Variants in ANTXR2 observed in about 807,000 individuals in gnomAD.
The protein encoded by ANTXR2 is ANTXR cell adhesion molecule 2, also known as anthrax toxin receptor 2.
A neutral mutation model predicts 73.7 loss-of-function variants in ANTXR2; 44 were observed. The ratio of observed to expected loss-of-function variants is 0.60; its 90% CI spans 0.47 to 0.77. The LOEUF (loss-of-function observed/expected upper bound fraction) is 0.77, where lower values mean the gene tolerates loss of function less well. Among genes scored for constraint, ANTXR2 ranks in the 30% least tolerant of loss-of-function variants. The pLI is 0.00. For missense variants in ANTXR2, 604 were observed against 592.5 expected (o/e 1.02, Z -0.20); for synonymous variants, 217 against 205.9 (o/e 1.05, Z -0.46).
At chr4:80,015,023 T>C (rs1015420370) in intron 11 of ANTXR2, among the ~76,000 whole-genome samples, 7 of 152,202 alleles carry the variant, frequency 4.6e-5, no homozygotes, top group African/African-American at 1.7e-4. Flanking sequence ...ATTTTTGTCT[T>C]TGACTCTATG....
rs148472939 is a variant in ANTXR2, at chr4:80,019,009, C to T, written c.867-33G>A. On this transcript the variant is annotated intron_variant, in intron 10 of 16. Transcript: ENST00000403729. ...AGAAAAGAAACAATAATTTTATATA[C>T]ATTTAAAACCAGAGGAGTAGGAGAT... 1,027 of 1,344,848 alleles carry T rather than the reference C, an allele frequency of 7.6e-4. 9 individuals are homozygous for T. In the African/African-American group the frequency reaches 0.014, roughly 19 times the overall value. The allele number at this position is 1,344,848 out of a possible 1,614,324, so 83.3% of individuals were successfully genotyped here.
chr4:80,014,347 T>A (rs1731739615), intron 11 of ANTXR2, among the ~76,000 whole-genome samples: 1 of 151,932 alleles, frequency 6.6e-6, no homozygotes, highest in Non-Finnish European at 1.5e-5. Context: ...GGCGGCCAAA[T>A]CACAAGGTCA....
Position 79,902,790 on chromosome 4 carries a change from C to A in ANTXR2, c.*4639G>T, listed in dbSNP as rs1233481554. 2 of 151,232 alleles carry A rather than the reference C, an allele frequency of 1.3e-5. No homozygotes were observed. Among genetic ancestry groups the A allele is most frequent in the Non-Finnish European group, 2.9e-5 (2 of 67,914 alleles). The allele number at this position is 151,232 out of a possible 1,614,324, so 9.4% of individuals were successfully genotyped here. A position where few individuals can be genotyped will look rare whatever the true frequency, so the allele number is the denominator to read the frequency against. ...TTACCACACACTACAGACAAAGAAG[C>A]CAGTCATATTGATACAAATATGAGA... On this transcript the variant is annotated 3_prime_UTR_variant, in exon 17 of 17. Coordinates refer to ENST00000403729, the MANE Select transcript of ANTXR2 (RefSeq NM_058172.6).
chr4:80,041,526 C>T (rs936200152), intron 7 of ANTXR2, among the ~76,000 whole-genome samples: 1 of 151,840 alleles, frequency 6.6e-6, no homozygotes, highest in African/African-American at 2.4e-5. Flanking sequence ...CATACGTCAA[C>T]ATGTGCCATG....
chr4:80,040,032 G>C (rs1027240283), intron 7 of ANTXR2, among the ~76,000 whole-genome samples: 2 of 151,982 alleles, frequency 1.3e-5, no homozygotes, highest in Non-Finnish European at 2.9e-5. Flanking sequence ...ACCAAAGACT[G>C]CACGTTCTCA....
At chr4:79,933,731 GTTTGTTTTTT>G (rs1728147640) in intron 16 of ANTXR2, among the ~76,000 whole-genome samples, 1 of 41,962 alleles carries the variant, frequency 2.4e-5, no homozygotes, top group Non-Finnish European at 4.1e-5. Context: ...GCCCTGGTGT[GTTTGTTTTTT>G]TTTTTTTTTT....
rs1729678644 is a variant in ANTXR2 at position 79,977,324 on chromosome 4, AT to A, written c.1428+296del. Among the ~76,000 whole-genome samples, 5 of 152,344 alleles carry A rather than the reference AT, an allele frequency of 3.3e-5. 1 individual carries two copies. In the South Asian group the frequency reaches 1.0e-3, roughly 32 times the overall value. On this transcript the variant is annotated intron_variant, in intron 16 of 16. Transcript: ENST00000403729. Reference sequence around the variant, plus strand: ...CTACTAACTCCCAGTCTGTTGGAACATTTTGTCTTCAAAGTCAAGGGCTGAT... The same window carrying A: ...CTACTAACTCCCAGTCTGTTGGAACATTTGTCTTCAAAGTCAAGGGCTGAT...
intron 16 of ANTXR2, among the ~76,000 whole-genome samples, chr4:79,917,087 C>T (rs1560852252): frequency 6.6e-6 from 1 of 152,154 alleles, no homozygotes; most frequent in African/African-American, 2.4e-5. Flanking sequence ...ATAAACTTCA[C>T]TAAGTGCAAG....
intron 16 of ANTXR2, among the ~76,000 whole-genome samples, chr4:79,959,911 C>T (rs1729082740): frequency 6.6e-6 from 1 of 152,112 alleles, no homozygotes; most frequent in Non-Finnish European, 1.5e-5. Context: ...AAGCCTCAAT[C>T]AATGTTAGGA....
intron 10 of ANTXR2, among the ~76,000 whole-genome samples, chr4:80,025,378 C>G (rs983301087): frequency 5.3e-5 from 8 of 152,092 alleles, no homozygotes; most frequent in Non-Finnish European, 1.0e-4. Flanking sequence ...CATTTCAATC[C>G]ACAGTAACAT....
intron 7 of ANTXR2, among the ~76,000 whole-genome samples, chr4:80,043,831 G>A (rs1369528713): frequency 6.6e-6 from 1 of 151,856 alleles, no homozygotes; most frequent in Non-Finnish European, 1.5e-5. Flanking sequence ...CTTCTCTGAA[G>A]CCCAACTTGA....
chr4:80,009,368 C>A (rs1341235460), intron 11 of ANTXR2, among the ~76,000 whole-genome samples: 1 of 152,110 alleles, frequency 6.6e-6, no homozygotes, highest in Non-Finnish European at 1.5e-5. Context: ...ATAAAATGCC[C>A]CTTTGATTAA....
intron 16 of ANTXR2, among the ~76,000 whole-genome samples, chr4:79,913,224 AT>A (rs1323570530): frequency 7.9e-5 from 12 of 152,286 alleles, no homozygotes; most frequent in African/African-American, 2.9e-4. Flanking sequence ...GTATTTTACA[AT>A]TACTATCTTG....
intron 12 of ANTXR2, among the ~76,000 whole-genome samples, chr4:79,998,658 T>C (rs544043164): frequency 5.3e-5 from 8 of 152,144 alleles, no homozygotes; most frequent in Non-Finnish European, 7.4e-5. Context: ...TCCTGCCTTT[T>C]TAACCTAGGG....
At chr4:79,994,073 C>T (rs1730611453) in intron 12 of ANTXR2, among the ~76,000 whole-genome samples, 2 of 151,878 alleles carry the variant, frequency 1.3e-5, no homozygotes, top group African/African-American at 4.8e-5. Flanking sequence ...TTCTCACCAC[C>T]TCATTCTAAG....
chr4:79,964,549 T>C (rs763404330), intron 16 of ANTXR2: 1 of 152,350 alleles, frequency 6.6e-6, no homozygotes, highest in African/African-American at 2.4e-5. Context: ...TTAAGTTGTC[T>C]CTGAAGTGGC....
chr4:79,946,517 A>G (rs980903948), intron 16 of ANTXR2, among the ~76,000 whole-genome samples: 2 of 152,086 alleles, frequency 1.3e-5, no homozygotes, highest in African/African-American at 2.4e-5. Context: ...ACATCAATCA[A>G]TCATTGAATA....
chr4:80,037,988 T>C (rs1195490775), intron 7 of ANTXR2, among the ~76,000 whole-genome samples: 2 of 152,114 alleles, frequency 1.3e-5, no homozygotes, highest in South Asian at 2.1e-4. Flanking sequence ...ACTAATTGCA[T>C]CTTTCAGTTT....
chr4:79,910,527 A>T, intron 16 of ANTXR2, among the ~76,000 whole-genome samples: 1 of 111,294 alleles, frequency 9.0e-6, no homozygotes, highest in African/African-American at 4.8e-5. Flanking sequence ...AAAAAAGAAA[A>T]AAAAGAAAAA....
Sources: gnomAD v4.1 joint callset for allele counts (sites outside exome capture counted in the v4.1 genomes callset) on GRCh38, gnomAD v4.1.1 for gene constraint, MANE v1.5 for transcripts, NCBI Gene and HGNC (gene_info 2026-07-23, HGNC 2026-07-21) for gene names.